SPATA6: variants seen among roughly 807,000 people sequenced by gnomAD.
SPATA6 encodes spermatogenesis associated 6, also known as spermatogenesis-associated protein 6.
Under a neutral mutation model 65.3 loss-of-function variants are expected in SPATA6, and 56 were observed. The ratio of observed to expected loss-of-function variants is 0.86; its 90% CI spans 0.69 to 1.07. The LOEUF (loss-of-function observed/expected upper bound fraction) is 1.07. Among genes scored for constraint, SPATA6 ranks in the 50% least tolerant of loss-of-function variants. SPATA6 has a pLI of 0.00. For synonymous variants in SPATA6, 199 were observed against 213.2 expected (o/e 0.93, Z 0.58); for missense variants, 590 against 594.8 (o/e 0.99, Z 0.08).
chr1:48,275,975 T>C, the SPATA6 span, among the ~76,000 whole-genome samples: 1 of 152,120 alleles, frequency 6.6e-6, no homozygotes, highest in African/African-American at 2.4e-5. Flanking sequence ...GGCTTTTTTT[T>C]TATTGGTAGG....
intron 11 of SPATA6, among the ~76,000 whole-genome samples, chr1:48,310,712 AAAC>A (rs1230456791): frequency 1.3e-5 from 2 of 152,194 alleles, no homozygotes; most frequent in Admixed American, 1.3e-4. Flanking sequence ...TGGAAGACCT[AAAC>A]AACAATATAA....
At chr1:48,316,285 C>G (rs1177967471) in intron 11 of SPATA6, among the ~76,000 whole-genome samples, 1 of 152,164 alleles carries the variant, frequency 6.6e-6, no homozygotes, top group Admixed American at 6.5e-5. Context: ...TCAAACTATA[C>G]TACAAGGCTA....
chr1:48,371,669 C>A (rs1647299358), intron 9 of SPATA6, among the ~76,000 whole-genome samples: 1 of 152,170 alleles, frequency 6.6e-6, no homozygotes. Flanking sequence ...TATCTAGAAC[C>A]TGAAGCTTCA....
At chr1:48,340,048 G>C (rs562664330) in intron 11 of SPATA6, among the ~76,000 whole-genome samples, 3 of 151,700 alleles carry the variant, frequency 2.0e-5, no homozygotes, top group African/African-American at 7.2e-5. Context: ...AAAAGAACAA[G>C]AATAAGACTA....
intron 11 of SPATA6, among the ~76,000 whole-genome samples, chr1:48,327,593 G>A (rs757945210): frequency 2.6e-5 from 4 of 151,960 alleles, no homozygotes; most frequent in Non-Finnish European, 5.9e-5. Flanking sequence ...ATGGAACTTG[G>A]GCAAAGAAAA....
At chr1:48,371,064 A>G (rs1647234920) in intron 9 of SPATA6, among the ~76,000 whole-genome samples, 1 of 152,226 alleles carries the variant, frequency 6.6e-6, no homozygotes, top group Non-Finnish European at 1.5e-5. Context: ...CATATATGGA[A>G]AAATTATAAC....
intron 11 of SPATA6, among the ~76,000 whole-genome samples, chr1:48,349,730 GC>G (rs1241006381): frequency 6.6e-6 from 1 of 151,832 alleles, no homozygotes; most frequent in Non-Finnish European, 1.5e-5. Context: ...CATACATGTA[GC>G]TTTGGGGATC....
chr1:48,341,248 G>C (rs1646206964), intron 11 of SPATA6, among the ~76,000 whole-genome samples: 1 of 152,110 alleles, frequency 6.6e-6, no homozygotes, highest in Non-Finnish European at 1.5e-5. Context: ...ACACACAGTA[G>C]TACCCCTAAT....
At chr1:48,311,954 C>T (rs1017684910) in intron 11 of SPATA6, among the ~76,000 whole-genome samples, 5 of 152,170 alleles carry the variant, frequency 3.3e-5, no homozygotes, top group African/African-American at 7.2e-5. Flanking sequence ...CCTACGCCCA[C>T]GGAGCCTCAC....
chr1:48,306,121 G>A (rs1645056456), intron 11 of SPATA6, among the ~76,000 whole-genome samples: 2 of 151,932 alleles, frequency 1.3e-5, no homozygotes, highest in East Asian at 1.9e-4. Context: ...TAGGTATCCA[G>A]TAGATACCTC....
the SPATA6 span, among the ~76,000 whole-genome samples, chr1:48,269,353 T>C: frequency 6.6e-6 from 1 of 152,260 alleles, no homozygotes; most frequent in South Asian, 2.1e-4. Flanking sequence ...TGAAAATATC[T>C]TCCATTCTAC....
At chr1:48,356,771 G>A (rs926961536) in intron 10 of SPATA6, among the ~76,000 whole-genome samples, 1 of 151,862 alleles carries the variant, frequency 6.6e-6, no homozygotes. Context: ...CCAAAGTGCT[G>A]GGATTACAGG....
chr1:48,384,868 A>G (rs2245427), intron 9 of SPATA6, among the ~76,000 whole-genome samples: 148,864 of 152,298 alleles, frequency 0.98, 72,844 homozygotes, highest in East Asian at 1. Flanking sequence ...CATTTATCAC[A>G]GTGAGTAAAC....
chr1:48,366,539 T>G (rs1019049628), intron 9 of SPATA6, among the ~76,000 whole-genome samples: 16 of 152,174 alleles, frequency 1.1e-4, no homozygotes, highest in African/African-American at 2.7e-4. Context: ...TGTATGTGTC[T>G]ACGAATTTAT....
intron 3 of SPATA6, among the ~76,000 whole-genome samples, chr1:48,443,501 GA>G (rs1305889870): frequency 2.6e-5 from 4 of 152,256 alleles, no homozygotes; most frequent in African/African-American, 9.6e-5. Context: ...CAGTTTGCAA[GA>G]AATAACAAAA....
chr1:48,435,872 T>C lies in SPATA6; in HGVS notation c.238+15680A>G, dbSNP rs576361338. On this transcript the variant is annotated intron_variant, in intron 3 of 12. Transcript: ENST00000371847. ...GTCGCTGGCCATGGTCGCTGCTAGGTAGGATATATCTGCATCTTGAAAGGA... is the reference window on the plus strand; with the variant it reads ...GTCGCTGGCCATGGTCGCTGCTAGGCAGGATATATCTGCATCTTGAAAGGA... The C allele has an allele frequency of 6.6e-5, 85 of 1,292,014 alleles. 1 individual carries two copies. The East Asian group carries it at 1.9e-3, about 28-fold the overall frequency. The allele number at this position is 1,292,014 out of a possible 1,614,324, so 80.0% of individuals were successfully genotyped here.
At chr1:48,451,287 A>G (rs1468038315) in intron 3 of SPATA6, among the ~76,000 whole-genome samples, 2 of 152,190 alleles carry the variant, frequency 1.3e-5, no homozygotes, top group Non-Finnish European at 2.9e-5. Context: ...CATTTTAATC[A>G]ATAAAAAGCT....
At chr1:48,322,571 C>T (rs895856192) in intron 11 of SPATA6, among the ~76,000 whole-genome samples, 5 of 152,058 alleles carry the variant, frequency 3.3e-5, no homozygotes, top group African/African-American at 1.2e-4. Flanking sequence ...AGACAAATCG[C>T]ATCTAATTAA....
chr1:48,279,846 A>C, the SPATA6 span, among the ~76,000 whole-genome samples: 17 of 151,766 alleles, frequency 1.1e-4, no homozygotes, highest in Middle Eastern at 6.8e-3. Flanking sequence ...TAGACATCTA[A>C]AGAACTCTCC....
Sources: allele counts gnomAD v4.1 joint callset (sites outside exome capture counted in the v4.1 genomes callset), GRCh38; gene constraint gnomAD v4.1.1; transcripts MANE v1.5; gene names NCBI Gene and HGNC (gene_info 2026-07-23, HGNC 2026-07-21).